Variants in MRTFB observed in about 807,000 individuals in gnomAD.
The protein encoded by MRTFB is myocardin-related transcription factor B.
In MRTFB, 29 loss-of-function variants were observed where a neutral mutation model predicts 104.2. That is an observed-to-expected ratio of 0.28 (90% CI 0.21 to 0.38). MRTFB has a LOEUF of 0.38. MRTFB is among the 10% of genes least tolerant of loss of function. The probability of loss-of-function intolerance (pLI) is 1.00; values close to 1 mark genes in which losing one functional copy is unlikely to be tolerated. For synonymous variants in MRTFB, 535 were observed against 519.5 expected, an observed-to-expected ratio of 1.03 and a Z score of -0.41; for missense variants, 1,270 against 1,341.6, an observed-to-expected ratio of 0.95 and a Z score of 0.83.
At chr16:14,086,603 A>G (rs1367788836) in intron 2 of MRTFB, among the ~76,000 whole-genome samples, 3 of 152,042 alleles carry the variant, frequency 2.0e-5, no homozygotes, top group African/African-American at 4.8e-5. Flanking sequence ...ATAATCTTGT[A>G]TTTGTTTTCT....
chr16:14,034,165 C>A, the MRTFB span, among the ~76,000 whole-genome samples: 4 of 152,234 alleles, frequency 2.6e-5, no homozygotes, highest in Non-Finnish European at 5.9e-5. Context: ...GTACCACCAA[C>A]TGAGTGCCTT....
chr16:14,032,259 CA>C, the MRTFB span, among the ~76,000 whole-genome samples: 2 of 152,218 alleles, frequency 1.3e-5, no homozygotes, highest in African/African-American at 4.8e-5. Flanking sequence ...TTGGGTTAAT[CA>C]CTAATGGCCA....
intron 8 of MRTFB, among the ~76,000 whole-genome samples, chr16:14,226,862 GTCCTAGCTAC>G (rs2042025549): frequency 6.6e-6 from 1 of 151,872 alleles, no homozygotes; most frequent in South Asian, 2.1e-4. Flanking sequence ...TGCACCTATA[GTCCTAGCTAC>G]TCCAGAAGCT....
the MRTFB span, among the ~76,000 whole-genome samples, chr16:14,000,012 C>A: frequency 7.9e-5 from 12 of 152,156 alleles, no homozygotes; most frequent in Non-Finnish European, 1.6e-4. Flanking sequence ...GTCACCATAG[C>A]ACTGTGACTC....
chr16:14,103,614 C>T (rs965529028), intron 2 of MRTFB, among the ~76,000 whole-genome samples: 4 of 152,188 alleles, frequency 2.6e-5, no homozygotes, highest in Non-Finnish European at 5.9e-5. Context: ...CTGCAGTGTA[C>T]TACACACTGC....
intron 2 of MRTFB, among the ~76,000 whole-genome samples, chr16:14,129,559 C>T (rs988615439): frequency 6.6e-6 from 1 of 152,106 alleles, no homozygotes; most frequent in Admixed American, 6.5e-5. Context: ...TTGGTAGATA[C>T]GTAGGAGTGG....
upstream of MRTFB, among the ~76,000 whole-genome samples, chr16:14,066,529 T>A (rs971409861): frequency 6.6e-6 from 1 of 152,128 alleles, no homozygotes; most frequent in Non-Finnish European, 1.5e-5. Flanking sequence ...CACCTCGGCC[T>A]CCCAAAGTGC....
rs770221112 is a variant in MRTFB at position 14,212,855 on chromosome 16, C to T, written c.276+446C>T. On this transcript the variant is annotated intron_variant, in intron 5 of 16. Transcript: ENST00000571589. ...AGGGGAAGATGGCTAAATCAGAAAA[C>T]GTTGCTACATTCAACTCTGCTTTAT... 3.3e-5 allele frequency among the ~76,000 whole-genome samples: 5 copies of T among 152,284 alleles called. No homozygotes were observed. The South Asian group carries it at 6.2e-4, about 19-fold the overall frequency.
chr16:14,097,829 G>A (rs4781569), intron 2 of MRTFB, among the ~76,000 whole-genome samples: 35,284 of 152,168 alleles, frequency 0.23, 7,687 homozygotes, highest in African/African-American at 0.57. Context: ...GTGGAATCAT[G>A]TTGTATGTAC....
At chr16:14,257,236 ACTC>A (rs2043534512) in intron 15 of MRTFB, among the ~76,000 whole-genome samples, 1 of 152,086 alleles carries the variant, frequency 6.6e-6, no homozygotes, top group African/African-American at 2.4e-5. Flanking sequence ...CGGTCATTCC[ACTC>A]CTAATTACCC....
the MRTFB span, among the ~76,000 whole-genome samples, chr16:14,028,685 G>A: frequency 6.6e-6 from 1 of 152,172 alleles, no homozygotes; most frequent in South Asian, 2.1e-4. Context: ...AGTCCCAACC[G>A]CAACTTCCTA....
At chr16:14,069,064 G>A (rs2033550650), upstream of MRTFB, among the ~76,000 whole-genome samples, 1 of 146,330 alleles carries the variant, frequency 6.8e-6, no homozygotes, top group Non-Finnish European at 1.5e-5. Context: ...CCTCTTCCCA[G>A]GTTCAAGCGA....
Position 14,246,479 on chromosome 16 carries a change from G to C in MRTFB, c.1219G>C (p.Glu407Gln), listed in dbSNP as rs1298259473. The stretch of plus-strand genomic sequence containing the variant: ...GCTTTGTTTGTACCTCCAGGTATCA[G>C]AACTGAAGACAGAACTGAAGTTAAG... ...PSSLDDLKVSELKTELKLRGL... is the reference protein window; with the variant it reads ...PSSLDDLKVSQLKTELKLRGL... The change falls in exon 12 of 17, where the codon GAA (glutamate) becomes CAA (glutamine). Residue 407 changes from glutamate (E) to glutamine (Q), a missense_variant. Physicochemically the swap from Glu to Gln is conservative, Grantham distance 29. Transcript: ENST00000571589. 20 of 1,613,762 alleles carry C rather than the reference G, an allele frequency of 1.2e-5. No individual in the cohort carries two copies. The highest frequency in any genetic ancestry group is 5.0e-5 in the Admixed American group (3 of 59,994).
intron 2 of MRTFB, among the ~76,000 whole-genome samples, chr16:14,116,130 A>AT (rs1329289923): frequency 2.0e-5 from 3 of 151,520 alleles, no homozygotes; most frequent in Non-Finnish European, 4.4e-5. Context: ...ATCTGGGCCC[A>AT]TTTTACCTCT....
chr16:14,222,801 A>G (rs369015041), intron 8 of MRTFB, among the ~76,000 whole-genome samples: 1 of 152,160 alleles, frequency 6.6e-6, no homozygotes, highest in Admixed American at 6.5e-5. Flanking sequence ...TCAAGAAACA[A>G]CAGATGCTGG....
chr16:14,215,684 T>C (rs535709160), intron 6 of MRTFB, among the ~76,000 whole-genome samples: 1 of 152,356 alleles, frequency 6.6e-6, no homozygotes, highest in Admixed American at 6.5e-5. Flanking sequence ...CTTGTATGGT[T>C]AGAAGTGTTA....
At chr16:14,226,164 A>G (rs753124499) in intron 8 of MRTFB, among the ~76,000 whole-genome samples, 1 of 152,212 alleles carries the variant, frequency 6.6e-6, no homozygotes, top group African/African-American at 2.4e-5. Context: ...CAAACAATCT[A>G]CAGATTCAGT....
the MRTFB span, among the ~76,000 whole-genome samples, chr16:14,063,473 A>G: frequency 2.6e-5 from 4 of 152,118 alleles, no homozygotes; most frequent in African/African-American, 7.2e-5. Flanking sequence ...CATGGTATCC[A>G]ATAGGTAGTT....
At chr16:14,181,195 T>TA (rs869236106) in intron 3 of MRTFB, among the ~76,000 whole-genome samples, 10 of 151,922 alleles carry the variant, frequency 6.6e-5, no homozygotes, top group South Asian at 4.2e-4. Context: ...TTTGTTTAAA[T>TA]AAAAAAAAAT....
Sources: gnomAD v4.1 joint callset for allele counts (sites outside exome capture counted in the v4.1 genomes callset) on GRCh38, gnomAD v4.1.1 for gene constraint, MANE v1.5 for transcripts, NCBI Gene and HGNC (gene_info 2026-07-23, HGNC 2026-07-21) for gene names.